Variants in EFL1 observed in about 807,000 individuals in gnomAD.
The protein encoded by EFL1 is elongation factor-like GTPase 1.
A neutral mutation model predicts 126.7 loss-of-function variants in EFL1; 76 were observed. The ratio of observed to expected loss-of-function variants is 0.60; its 90% CI spans 0.50 to 0.73. The LOEUF (loss-of-function observed/expected upper bound fraction) is 0.73. Ranked by LOEUF, EFL1 falls within the 30% of genes least tolerant of loss-of-function variation. The probability of loss-of-function intolerance (pLI) is 0.00; values close to 1 mark genes in which losing one functional copy is unlikely to be tolerated. For synonymous variants in EFL1, 410 were observed against 448.4 expected, an observed-to-expected ratio of 0.91 and a Z score of 1.08; for missense variants, 1,128 against 1,343.2, an observed-to-expected ratio of 0.84 and a Z score of 2.50.
chr15:82,184,166 A>G (rs1045777534), intron 15 of EFL1, among the ~76,000 whole-genome samples: 2 of 152,238 alleles, frequency 1.3e-5, no homozygotes, highest in African/African-American at 4.8e-5. Flanking sequence ...GTCATTATAA[A>G]TGTCTATCTT....
chr15:82,161,086 T>G (rs757035111), intron 16 of EFL1, among the ~76,000 whole-genome samples: 2 of 151,966 alleles, frequency 1.3e-5, no homozygotes, highest in African/African-American at 4.8e-5. Context: ...CTTGGGAAAT[T>G]AGAGAAAGAA....
chr15:82,179,589 A>G (rs999412089), intron 15 of EFL1, among the ~76,000 whole-genome samples: 1 of 152,118 alleles, frequency 6.6e-6, no homozygotes, highest in Non-Finnish European at 1.5e-5. Context: ...ATGTTTCCTC[A>G]GTATCTCCCA....
chr15:82,197,261 CT>C (rs1421847982), intron 15 of EFL1, among the ~76,000 whole-genome samples: 2 of 152,160 alleles, frequency 1.3e-5, no homozygotes, highest in African/African-American at 4.8e-5. Context: ...CTTTCCACCC[CT>C]ATTCCCAGGG....
intron 7 of EFL1, among the ~76,000 whole-genome samples, chr15:82,237,350 T>C (rs2074883587): frequency 6.6e-6 from 1 of 152,164 alleles, no homozygotes; most frequent in Non-Finnish European, 1.5e-5. Context: ...TGGGAAAGGA[T>C]GTGAAAAGAC....
chr15:82,130,593 T>A, intron 19 of EFL1, 32 bp from the exon 20 acceptor site: 1 of 1,604,528 alleles, frequency 6.2e-7, no homozygotes, highest in African/African-American at 1.3e-5. Context: ...ATGTGCAAGG[T>A]TAGGCATTTT....
chr15:82,135,334 G>A (rs1431196944), intron 19 of EFL1, among the ~76,000 whole-genome samples: 1 of 151,678 alleles, frequency 6.6e-6, no homozygotes, highest in Non-Finnish European at 1.5e-5. Context: ...TAAAGGAGAC[G>A]GACAACCATC....
At chr15:82,227,240 G>A (rs2074773236) in intron 11 of EFL1, among the ~76,000 whole-genome samples, 1 of 152,202 alleles carries the variant, frequency 6.6e-6, no homozygotes, top group Non-Finnish European at 1.5e-5. Context: ...CCTACTGCCT[G>A]AGCAAAATGG....
At chr15:82,234,978 T>C (rs1283066728) in intron 7 of EFL1, among the ~76,000 whole-genome samples, 2 of 152,180 alleles carry the variant, frequency 1.3e-5, no homozygotes, top group African/African-American at 4.8e-5. Flanking sequence ...ACCTACTCCA[T>C]TCTGAAATCC....
In EFL1 at chr15:82,202,280, T is replaced by C. The variant is rs754017299; in HGVS notation, c.1750+12437A>G. ...CCCCCAGAAAAGTACTCTTTTCCTA[T>C]TTTTTTTAGTAGCCTACTTAAATTC... On this transcript the variant is annotated intron_variant, in intron 15 of 19. Transcript: ENST00000268206. Among the ~76,000 whole-genome samples, 13 of 151,326 alleles carry C rather than the reference T, an allele frequency of 8.6e-5. 1 individual carries two copies. The highest frequency in any genetic ancestry group is 1.8e-4 in the Non-Finnish European group (12 of 67,896).
intron 15 of EFL1, among the ~76,000 whole-genome samples, chr15:82,170,576 A>G (rs1595957531): frequency 1.3e-5 from 2 of 152,252 alleles, no homozygotes; most frequent in South Asian, 4.1e-4. Context: ...TGAATGTTAT[A>G]AAGTTCTAAC....
intron 14 of EFL1, among the ~76,000 whole-genome samples, chr15:82,217,056 T>C (rs1595988853): frequency 6.6e-6 from 1 of 151,832 alleles, no homozygotes; most frequent in African/African-American, 2.4e-5. Context: ...GAACACAAGA[T>C]TGACCAATAA....
intron 15 of EFL1, among the ~76,000 whole-genome samples, chr15:82,202,742 C>T (rs2074483191): frequency 6.6e-6 from 1 of 152,034 alleles, no homozygotes; most frequent in Non-Finnish European, 1.5e-5. Flanking sequence ...TACCTCTCTA[C>T]TCAATTATAT....
chr15:82,184,764 A>G (rs1371048475), intron 15 of EFL1, among the ~76,000 whole-genome samples: 1 of 152,228 alleles, frequency 6.6e-6, no homozygotes, highest in East Asian at 1.9e-4. Flanking sequence ...AGAAGATGAA[A>G]CTTCCAACTC....
chr15:82,256,965 C>T (rs770417966), intron 3 of EFL1, among the ~76,000 whole-genome samples: 1 of 152,110 alleles, frequency 6.6e-6, no homozygotes, highest in Non-Finnish European at 1.5e-5. Context: ...CAAAGTTATG[C>T]TATCTTCATA....
intron 18 of EFL1, among the ~76,000 whole-genome samples, chr15:82,143,700 C>T (rs2073812731): frequency 6.6e-6 from 1 of 152,136 alleles, no homozygotes; most frequent in South Asian, 2.1e-4. Context: ...TTGATGTTAA[C>T]AGGTCAAACC....
chr15:82,133,429 T>C (rs1595932584), intron 19 of EFL1, among the ~76,000 whole-genome samples: 1 of 152,326 alleles, frequency 6.6e-6, no homozygotes, highest in East Asian at 1.9e-4. Flanking sequence ...TTTGCCATGT[T>C]TGCAGACTGC....
intron 16 of EFL1, among the ~76,000 whole-genome samples, chr15:82,158,221 C>T (rs982957043): frequency 3.9e-5 from 6 of 152,142 alleles, no homozygotes; most frequent in African/African-American, 4.8e-5. Context: ...CCTCAAACAT[C>T]GCCTATAAAA....
At chr15:82,163,582 C>T (rs2074045630) in intron 16 of EFL1, among the ~76,000 whole-genome samples, 2 of 152,198 alleles carry the variant, frequency 1.3e-5, no homozygotes, top group Middle Eastern at 6.8e-3. Flanking sequence ...TGCTAAGCTA[C>T]AATCCTATGC....
chr15:82,244,298 T>G (rs1162705097), intron 4 of EFL1, among the ~76,000 whole-genome samples: 2 of 152,170 alleles, frequency 1.3e-5, no homozygotes, highest in African/African-American at 4.8e-5. Flanking sequence ...TGCGTGTGTG[T>G]GATCAAATTA....
Sources: allele counts gnomAD v4.1 joint callset (sites outside exome capture counted in the v4.1 genomes callset), GRCh38; gene constraint gnomAD v4.1.1; transcripts MANE v1.5; gene names NCBI Gene and HGNC (gene_info 2026-07-23, HGNC 2026-07-21).